KANSL1L: variants seen among roughly 807,000 people sequenced by gnomAD.
The protein encoded by KANSL1L is KAT8 regulatory NSL complex subunit 1-like protein.
A neutral mutation model predicts 108.6 loss-of-function variants in KANSL1L; 25 were observed. The ratio of observed to expected loss-of-function variants is 0.23; its 90% CI spans 0.17 to 0.32. The LOEUF is 0.32. Ranked by LOEUF, KANSL1L falls within the 10% of genes least tolerant of loss-of-function variation. The probability of loss-of-function intolerance (pLI) is 1.00; values close to 1 mark genes in which losing one functional copy is unlikely to be tolerated. For synonymous variants in KANSL1L, 405 were observed against 395.1 expected (o/e 1.03, Z -0.30); for missense variants, 1,137 against 1,125.7 (o/e 1.01, Z -0.14).
chr2:210,161,519 GCTTT>G (rs1195862028), intron 1 of KANSL1L, among the ~76,000 whole-genome samples: 9 of 152,116 alleles, frequency 5.9e-5, no homozygotes, highest in African/African-American at 2.2e-4. Context: ...TTTAGGCAAA[GCTTT>G]TTTTAGATAT....
intron 6 of KANSL1L, among the ~76,000 whole-genome samples, chr2:210,062,176 T>G (rs541101223): frequency 1.3e-5 from 2 of 152,308 alleles, no homozygotes; most frequent in African/African-American, 4.8e-5. Flanking sequence ...TGTGCTGTTC[T>G]TGTGATAGTG....
chr2:210,074,482 CCACGCTGGGCAAATTTTTGTATTTTT>C (rs2094528808), intron 6 of KANSL1L, among the ~76,000 whole-genome samples: 1 of 152,038 alleles, frequency 6.6e-6, no homozygotes, highest in Admixed American at 6.6e-5. Context: ...GGCACCGCCA[CCACGCTGGGCAAATTTTTGTATTTTT>C]CACGCTGGGC....
At chr2:210,110,465 G>A (rs1016743381) in intron 3 of KANSL1L, among the ~76,000 whole-genome samples, 1 of 152,046 alleles carries the variant, frequency 6.6e-6, no homozygotes, top group African/African-American at 2.4e-5. Flanking sequence ...TTTTTAAACA[G>A]GTTTGAAAAT....
At chr2:210,140,898 G>A (rs554751185) in intron 2 of KANSL1L, among the ~76,000 whole-genome samples, 1 of 152,120 alleles carries the variant, frequency 6.6e-6, no homozygotes, top group African/African-American at 2.4e-5. Context: ...ATTTTAAGTA[G>A]GATGGTTTTC....
At chr2:210,137,343 A>C (rs2095182962) in intron 2 of KANSL1L, among the ~76,000 whole-genome samples, 1 of 152,188 alleles carries the variant, frequency 6.6e-6, no homozygotes, top group Admixed American at 6.5e-5. Flanking sequence ...ATTCCTCTTT[A>C]GTTGAGAAAA....
intron 3 of KANSL1L, among the ~76,000 whole-genome samples, chr2:210,107,510 C>CAAAAAAAAA (rs142353453): frequency 1.6e-5 from 2 of 122,940 alleles, no homozygotes; most frequent in African/African-American, 5.7e-5. Context: ...TTCTTCTCCT[C>CAAAAAAAAA]AAAAAAAAAA....
At chr2:210,068,427 T>C (rs2094483376) in intron 6 of KANSL1L, among the ~76,000 whole-genome samples, 3 of 152,196 alleles carry the variant, frequency 2.0e-5, no homozygotes, top group African/African-American at 7.2e-5. Flanking sequence ...GTCTTAATGC[T>C]GTCTTTGATG....
In KANSL1L at chr2:210,078,920, A is replaced by T. The variant is rs193281539; in HGVS notation, c.1551-3164T>A. Among the ~76,000 whole-genome samples, 193 of 151,666 alleles carry T rather than the reference A, an allele frequency of 1.3e-3. 1 individual carries two copies. The highest frequency in any genetic ancestry group is 4.3e-3 in the African/African-American group (178 of 41,392). Reference sequence around the variant, plus strand: ...AACCATCATCACACGACATTCTTTTAAAAAAAAATAAGGTTTATCTCTTTT... The same window carrying T: ...AACCATCATCACACGACATTCTTTTTAAAAAAAATAAGGTTTATCTCTTTT... On this transcript the variant is annotated intron_variant, in intron 5 of 14. Transcript: ENST00000281772.
chr2:210,129,621 ATAAG>A (rs934892438), intron 2 of KANSL1L, among the ~76,000 whole-genome samples: 42 of 152,212 alleles, frequency 2.8e-4, no homozygotes, highest in African/African-American at 9.4e-4. Context: ...CGATTTTACT[ATAAG>A]TAATTTTTAT....
chr2:210,088,959 C>A, intron 5 of KANSL1L: 1 of 159,292 alleles, frequency 6.3e-6, no homozygotes, highest in Non-Finnish European at 1.4e-5. Context: ...AAGCTGTGGA[C>A]CTGCAAATGT....
At chr2:210,104,372 G>T in intron 3 of KANSL1L, 71 bp from the exon 4 acceptor site, 2 of 1,038,428 alleles carry the variant, frequency 1.9e-6, no homozygotes, top group Non-Finnish European at 1.5e-6. Context: ...ATGCTACAAT[G>T]CACTTGAATC....
chr2:210,048,546 GGAATATGTGTGT>G (rs1199845889), intron 6 of KANSL1L, among the ~76,000 whole-genome samples: 1 of 151,466 alleles, frequency 6.6e-6, no homozygotes, highest in Non-Finnish European at 1.5e-5. Context: ...TTATTTTGTA[GGAATATGTGTGT>G]GTATATATGT....
rs1255451777 is a variant in KANSL1L at position 210,022,570 on chromosome 2, A to T, written c.*379T>A. On this transcript the variant is annotated 3_prime_UTR_variant, in exon 15 of 15. Transcript: ENST00000281772. ...AATTTTAATGAATTACCATGTATAT[A>T]AAAAAATAGCTGTCACTTGGCACAC... The T allele has an allele frequency of 1.1e-5, 2 of 178,682 alleles. No individual in the cohort carries two copies. Among genetic ancestry groups the T allele is most frequent in the African/African-American group, 4.8e-5 (2 of 41,706 alleles). The allele number at this position is 178,682 out of a possible 1,614,324, so 11.1% of individuals were successfully genotyped here.
At chr2:210,134,677 T>C (rs1002092217) in intron 2 of KANSL1L, among the ~76,000 whole-genome samples, 4 of 152,020 alleles carry the variant, frequency 2.6e-5, no homozygotes, top group Non-Finnish European at 5.9e-5. Context: ...CTGAGGAAAA[T>C]AACTAGTAAA....
intron 6 of KANSL1L, among the ~76,000 whole-genome samples, chr2:210,074,205 C>A (rs1217065061): frequency 6.6e-6 from 1 of 152,088 alleles, no homozygotes; most frequent in Non-Finnish European, 1.5e-5. Context: ...TTCTCCATCA[C>A]TTTTTTCATC....
chr2:210,078,212 C>T (rs1325138174), intron 5 of KANSL1L, among the ~76,000 whole-genome samples: 1 of 152,156 alleles, frequency 6.6e-6, no homozygotes, highest in Non-Finnish European at 1.5e-5. Context: ...ACAACATTAT[C>T]ATAGTTACAA....
rs539918510 is a variant in KANSL1L, at chr2:210,153,640, G to A, written c.943C>T (p.Arg315Trp). The A allele has an allele frequency of 8.9e-5, 143 of 1,611,116 alleles. 3 individuals carry two copies. In the South Asian group the frequency reaches 1.3e-3, roughly 14 times the overall value. Residue 315 changes from arginine (R) to tryptophan (W), a missense_variant, in exon 2 of 15, where the codon CGG becomes TGG. By Grantham distance (101) the Arg-to-Trp change is moderately radical. Transcript: ENST00000281772. ...LWDDAKNGFA[R>W]CTAAEIQRFA... ...CTTTGGATTTCCGCAGCTGTACACC[G>A]TGCAAAGCCATTTTTTGCATCATCC...
intron 4 of KANSL1L, 68 bp from the exon 5 acceptor site, chr2:210,098,275 G>C: frequency 6.9e-7 from 1 of 1,456,298 alleles, no homozygotes; most frequent in Non-Finnish European, 9.4e-7. Flanking sequence ...CAGATGCATA[G>C]TGCCAATTAA....
At chr2:210,037,247 C>T (rs2094115878) in intron 8 of KANSL1L, among the ~76,000 whole-genome samples, 1 of 152,034 alleles carries the variant, frequency 6.6e-6, no homozygotes, top group Non-Finnish European at 1.5e-5. Context: ...TACTCTATTA[C>T]TTTTTCAGAT....
Sources: allele counts gnomAD v4.1 joint callset (sites outside exome capture counted in the v4.1 genomes callset), GRCh38; gene constraint gnomAD v4.1.1; transcripts MANE v1.5; gene names NCBI Gene and HGNC (gene_info 2026-07-23, HGNC 2026-07-21).